RNF43: variants seen among roughly 807,000 people sequenced by gnomAD.
RNF43 encodes the protein ring finger protein 43.
Under a neutral mutation model 78.4 loss-of-function variants are expected in RNF43, and 37 were observed. The observed-to-expected ratio is 0.47, with a 90% CI of 0.36 to 0.62. The LOEUF (loss-of-function observed/expected upper bound fraction) is 0.62, where lower values mean the gene tolerates loss of function less well. RNF43 is among the 20% of genes least tolerant of loss of function. The pLI, the probability that RNF43 is intolerant of heterozygous loss-of-function variation, is 0.00. For missense variants in RNF43, 774 were observed against 1,007.9 expected (o/e 0.77, Z 3.14); for synonymous variants, 347 against 395.0 (o/e 0.88, Z 1.44).
intron 2 of RNF43, 94 bp from the exon 3 acceptor site, chr17:58,371,127 C>A (rs1973087543): frequency 1.6e-6 from 2 of 1,278,102 alleles, no homozygotes; most frequent in Non-Finnish European, 2.1e-6. Flanking sequence ...AGGGAGGTAC[C>A]AGGCAGGTCT....
intron 2 of RNF43, among the ~76,000 whole-genome samples, chr17:58,412,378 A>T (rs886849608): frequency 6.6e-6 from 1 of 152,204 alleles, no homozygotes; most frequent in African/African-American, 2.4e-5. Context: ...GGGCAAAGGC[A>T]ACACCATTTC....
rs952358926 is a variant in RNF43 at position 58,372,698 on chromosome 17, T to C, written c.253-1665A>G. Among the ~76,000 whole-genome samples the C allele has an allele frequency of 6.6e-5, 10 of 152,118 alleles. No individual in the cohort carries two copies. In the East Asian group the frequency reaches 1.9e-3, roughly 29 times the overall value. ...GTGATGTTACAATGCAAGGGGCCTA[T>C]GGGAGGGCACAAAGAGGGGCAGCTA... is the stretch of plus-strand genomic sequence containing the variant. On this transcript the variant is annotated intron_variant, in intron 2 of 9. Transcript: ENST00000407977.
chr17:58,369,083 ACACACACACG>A (rs1973023329), intron 3 of RNF43, among the ~76,000 whole-genome samples: 4 of 152,050 alleles, frequency 2.6e-5, no homozygotes, highest in Non-Finnish European at 4.4e-5. Context: ...ACACACACAC[ACACACACACG>A]CACACACACA....
chr17:58,377,139 T>C (rs1973221091), intron 2 of RNF43, among the ~76,000 whole-genome samples: 1 of 152,184 alleles, frequency 6.6e-6, no homozygotes, highest in Non-Finnish European at 1.5e-5. Context: ...ACCTTGGGCA[T>C]GTTAATCTTT....
At chr17:58,395,599 T>A (rs1222904647) in intron 2 of RNF43, among the ~76,000 whole-genome samples, 1 of 152,200 alleles carries the variant, frequency 6.6e-6, no homozygotes, top group Admixed American at 6.5e-5. Flanking sequence ...AGAAAGATCA[T>A]GTAACTTAGT....
At chr17:58,364,129 C>T (rs565217627) in intron 3 of RNF43, among the ~76,000 whole-genome samples, 1 of 152,304 alleles carries the variant, frequency 6.6e-6, no homozygotes, top group East Asian at 1.9e-4. Flanking sequence ...GAGCCTGGGA[C>T]GCCACTCTCA....
rs754832504 is a variant in RNF43, at chr17:58,371,053, T to G, written c.253-20A>C. 7 of 1,550,026 alleles carry G rather than the reference T, an allele frequency of 4.5e-6. No individual in the cohort carries two copies. The East Asian group carries it at 1.6e-4, about 35-fold the overall frequency. On this transcript the variant is annotated intron_variant, in intron 2 of 9. Coordinates refer to ENST00000407977, the MANE Select transcript of RNF43 (RefSeq NM_017763.6). ...GTGGGACTGCAGAGAGAGACAGACT[T>G]GGGTTAGGGAGGCTTTAGGCAGCAG... is the stretch of plus-strand genomic sequence containing the variant.
intron 2 of RNF43, among the ~76,000 whole-genome samples, chr17:58,377,844 C>T (rs1973237658): frequency 6.6e-6 from 1 of 152,080 alleles, no homozygotes; most frequent in Admixed American, 6.6e-5. Flanking sequence ...GCATCATTCT[C>T]CCCATTTCCT....
chr17:58,352,650 G>A (rs1972582309), downstream of RNF43: 1 of 209,354 alleles, frequency 4.8e-6, no homozygotes, highest in Non-Finnish European at 9.7e-6. Flanking sequence ...AAGAAATCCA[G>A]GGACAGCCCC....
chr17:58,374,273 C>T (rs1281447728), intron 2 of RNF43, among the ~76,000 whole-genome samples: 1 of 152,018 alleles, frequency 6.6e-6, no homozygotes, highest in Non-Finnish European at 1.5e-5. Context: ...AACATGATAC[C>T]TTCCCCGAAC....
At chr17:58,373,094 C>T (rs997980011) in intron 2 of RNF43, among the ~76,000 whole-genome samples, 2 of 152,178 alleles carry the variant, frequency 1.3e-5, no homozygotes, top group African/African-American at 4.8e-5. Flanking sequence ...AGATGGAGGC[C>T]TTCCCTGAGG....
intron 3 of RNF43, among the ~76,000 whole-genome samples, chr17:58,369,184 G>A (rs115194481): frequency 0.015 from 2,272 of 152,276 alleles, 47 homozygotes; most frequent in African/African-American, 0.052. Flanking sequence ...CCCATATTTT[G>A]TAAGGAAAGA....
intron 2 of RNF43, among the ~76,000 whole-genome samples, chr17:58,393,614 C>T (rs1973605835): frequency 6.6e-6 from 1 of 152,024 alleles, no homozygotes; most frequent in Non-Finnish European, 1.5e-5. Flanking sequence ...TGCCCCAATC[C>T]CTGTGTTGTT....
Position 58,354,079 on chromosome 17 carries a change from C to G in RNF43, c.*864G>C, listed in dbSNP as rs1972632170. On this transcript the variant is annotated 3_prime_UTR_variant, in exon 10 of 10. Coordinates refer to ENST00000407977, the MANE Select transcript of RNF43 (RefSeq NM_017763.6). ...GCTTTTCCTTTGTTGTCCCCATTTT[C>G]CATCCTTGCTCTAAGACAAAACTTT... 1 of 195,696 alleles carries G rather than the reference C, an allele frequency of 5.1e-6. No individual in the cohort carries two copies. The allele number at this position is 195,696 out of a possible 1,614,324, so 12.1% of individuals were successfully genotyped here.
chr17:58,363,392 C>G lies in RNF43; in HGVS notation c.465G>C (p.Leu155=), dbSNP rs1346973931. Residue 155 remains leucine (L), a synonymous_variant, in exon 5 of 10, where the codon CTG becomes CTC. Coordinates refer to ENST00000407977, the MANE Select transcript of RNF43 (RefSeq NM_017763.6). The stretch of plus-strand genomic sequence containing the variant: ...TCAACACCACTGGCCAGGTCAGCCC[C>G]AGCGGCTGCTGCAGCTACAGGGGGA... ...RAAAEQLQQP[L]GLTWPVVLIW... is the part of the protein sequence containing the mutation. The G allele has an allele frequency of 6.2e-7, 1 of 1,614,172 alleles. No individual in the cohort carries two copies. The highest frequency in any genetic ancestry group is 1.1e-5 in the South Asian group (1 of 91,090).
chr17:58,356,633 AG>A (rs1972689127), intron 9 of RNF43, among the ~76,000 whole-genome samples: 1 of 152,172 alleles, frequency 6.6e-6, no homozygotes, highest in Non-Finnish European at 1.5e-5. Flanking sequence ...AAGGCTCCAC[AG>A]GGCTGCTGGG....
intron 9 of RNF43, among the ~76,000 whole-genome samples, chr17:58,355,406 G>A (rs56133607): frequency 0.15 from 22,731 of 152,154 alleles, 1,872 homozygotes; most frequent in East Asian, 0.2. Flanking sequence ...AGGAAGGAGA[G>A]AGACCAGGTC....
At chr17:58,403,007 G>A (rs1044043905) in intron 2 of RNF43, among the ~76,000 whole-genome samples, 1 of 152,094 alleles carries the variant, frequency 6.6e-6, no homozygotes, top group Non-Finnish European at 1.5e-5. Flanking sequence ...TTTGGGGTGG[G>A]GGGGTAGGTT....
At chr17:58,416,239 G>A (rs1385132308) in intron 1 of RNF43, 3 of 152,852 alleles carry the variant, frequency 2.0e-5, no homozygotes, top group African/African-American at 7.2e-5. Context: ...ATTTCAGTGT[G>A]GCCAGGTTTC....
Sources: gnomAD v4.1 joint callset for allele counts (sites outside exome capture counted in the v4.1 genomes callset) on GRCh38, gnomAD v4.1.1 for gene constraint, MANE v1.5 for transcripts, NCBI Gene and HGNC (gene_info 2026-07-23, HGNC 2026-07-21) for gene names.